Variants in PDE1C observed in about 807,000 individuals in gnomAD.
PDE1C encodes the protein dual specificity calcium/calmodulin-dependent 3',5'-cyclic nucleotide phosphodiesterase 1C.
Under a neutral mutation model 93.1 loss-of-function variants are expected in PDE1C, and 62 were observed. That is an observed-to-expected ratio of 0.67 (90% confidence interval 0.54 to 0.82). The LOEUF (loss-of-function observed/expected upper bound fraction) is 0.82. Ranked by LOEUF, PDE1C falls within the 40% of genes least tolerant of loss-of-function variation. PDE1C has a pLI of 0.00. For synonymous variants in PDE1C, 325 were observed against 310.1 expected (o/e 1.05, Z -0.50); for missense variants, 742 against 884.6 (o/e 0.84, Z 2.04).
At chr7:31,920,164 T>C (rs1802419890) in intron 2 of PDE1C, among the ~76,000 whole-genome samples, 1 of 152,170 alleles carries the variant, frequency 6.6e-6, no homozygotes, top group South Asian at 2.1e-4. Context: ...GTCCTACCCA[T>C]ACACTGAGTC....
chr7:32,063,332 A>T (rs1011673077), intron 1 of PDE1C, among the ~76,000 whole-genome samples: 1 of 152,232 alleles, frequency 6.6e-6, no homozygotes, highest in African/African-American at 2.4e-5. Context: ...TCAAAAATCC[A>T]GGAGATAGGT....
the PDE1C span, among the ~76,000 whole-genome samples, chr7:31,619,773 C>G: frequency 6.6e-6 from 1 of 152,100 alleles, no homozygotes; most frequent in South Asian, 2.1e-4. Context: ...GTGGGTGCAG[C>G]GCACCATGCA....
intron 14 of PDE1C, among the ~76,000 whole-genome samples, chr7:31,822,661 C>T (rs1439759029): frequency 6.6e-6 from 1 of 152,094 alleles, no homozygotes; most frequent in Non-Finnish European, 1.5e-5. Context: ...AATTAAAGCT[C>T]CTTATATCCC....
In PDE1C at chr7:32,314,300, C is replaced by T. The variant is rs80287379; in HGVS notation, c.311-104761G>A. 9.6e-3 allele frequency among the ~76,000 whole-genome samples: 1,462 copies of T among 151,972 alleles called. 13 individuals carry two copies. Among genetic ancestry groups the T allele is most frequent in the African/African-American group, 0.025 (1,047 of 41,418 alleles). Reference sequence around the variant, plus strand: ...AACTAGAAAACATAAATACTGTACCCAGAAATACAAAAATTCTAGTTCATT... The same window carrying T: ...AACTAGAAAACATAAATACTGTACCTAGAAATACAAAAATTCTAGTTCATT... On this transcript the variant is annotated intron_variant, in intron 1 of 1. Transcript: ENST00000672256.
At chr7:32,379,553 T>TA (rs1314767659) in intron 1 of PDE1C, among the ~76,000 whole-genome samples, 3 of 152,136 alleles carry the variant, frequency 2.0e-5, no homozygotes, top group Non-Finnish European at 1.5e-5. Context: ...TAGAATGGAT[T>TA]AAAAAAAGCA....
At chr7:31,699,377 A>T in the PDE1C span, among the ~76,000 whole-genome samples, 1 of 152,214 alleles carries the variant, frequency 6.6e-6, no homozygotes, top group East Asian at 1.9e-4. Context: ...CTCCCGTGAA[A>T]GGGCCTTCAC....
At chr7:31,803,629 T>C (rs557183872) in intron 16 of PDE1C, among the ~76,000 whole-genome samples, 2 of 152,040 alleles carry the variant, frequency 1.3e-5, no homozygotes, top group Admixed American at 6.6e-5. Flanking sequence ...TTCCCACCTA[T>C]GAGTGAGAAC....
At chr7:31,625,027 C>T in the PDE1C span, among the ~76,000 whole-genome samples, 4 of 152,192 alleles carry the variant, frequency 2.6e-5, no homozygotes, top group Admixed American at 2.6e-4. Context: ...AAAAAATGCT[C>T]ATCATCACTG....
chr7:31,753,196 A>G lies in PDE1C; in HGVS notation c.*188T>C, dbSNP rs187934971. 1.6e-6 allele frequency: 1 copy of G among 610,116 alleles called. No homozygotes were observed. Among genetic ancestry groups the G allele is most frequent in the African/African-American group, 1.9e-5 (1 of 53,656 alleles). 37.8% of individuals were successfully genotyped at this position (610,116 alleles called of 1,614,324 possible). On this transcript the variant is annotated 3_prime_UTR_variant, in exon 18 of 18. Coordinates refer to ENST00000396191, the MANE Select transcript of PDE1C (RefSeq NM_001191057.4). ...GGCTGATCCCACATACAGCAATTGAAAAGTCTATACAAGAACAACAAAGAG... is the reference window on the plus strand; with the variant it reads ...GGCTGATCCCACATACAGCAATTGAGAAGTCTATACAAGAACAACAAAGAG...
chr7:31,655,195 A>G, the PDE1C span, among the ~76,000 whole-genome samples: 1 of 151,852 alleles, frequency 6.6e-6, no homozygotes, highest in Non-Finnish European at 1.5e-5. Context: ...CATTGCCCCA[A>G]CTCAGTTCAT....
At chr7:31,794,042 A>AGATAGATAGATG (rs1157143757) in intron 16 of PDE1C, among the ~76,000 whole-genome samples, 5 of 84,622 alleles carry the variant, frequency 5.9e-5, no homozygotes, top group Non-Finnish European at 4.8e-5. Context: ...ATAGATAGAT[A>AGATAGATAGATG]GACAGACAGA....
At chr7:31,681,367 GGACGGATGGATGGATGGATGGATGGAT>G in the PDE1C span, among the ~76,000 whole-genome samples, 8 of 105,052 alleles carry the variant, frequency 7.6e-5, no homozygotes, top group Non-Finnish European at 1.1e-4. Flanking sequence ...ATGGATGGAT[GGACGGATGGATGGATGGATGGATGGAT>G]GGATGGATGG....
chr7:31,681,808 A>G, the PDE1C span, among the ~76,000 whole-genome samples: 1 of 152,200 alleles, frequency 6.6e-6, no homozygotes, highest in African/African-American at 2.4e-5. Context: ...TCCACAGCAG[A>G]TGTTTTAAGG....
chr7:32,146,023 G>A (rs1800811834), intron 3 of PDE1C, among the ~76,000 whole-genome samples: 1 of 152,136 alleles, frequency 6.6e-6, no homozygotes, highest in Non-Finnish European at 1.5e-5. Context: ...TTTAAGTAAG[G>A]AGGAATAAGA....
chr7:31,916,402 G>C (rs1801919073), intron 2 of PDE1C, among the ~76,000 whole-genome samples: 2 of 152,116 alleles, frequency 1.3e-5, no homozygotes, highest in Non-Finnish European at 2.9e-5. Context: ...TATAGCTGTA[G>C]AAAGTAAGAC....
intron 9 of PDE1C, among the ~76,000 whole-genome samples, chr7:31,842,845 T>C (rs1382178607): frequency 6.6e-6 from 1 of 151,976 alleles, no homozygotes; most frequent in Admixed American, 6.6e-5. Context: ...TTTGGAACTT[T>C]TTTCTTTCCT....
At chr7:32,196,154 C>T (rs1804597924) in intron 2 of PDE1C, among the ~76,000 whole-genome samples, 1 of 152,136 alleles carries the variant, frequency 6.6e-6, no homozygotes. Context: ...CTCTGTTTAA[C>T]TTTTTCTGAT....
chr7:32,362,988 C>T (rs192528031), intron 1 of PDE1C, among the ~76,000 whole-genome samples: 6 of 152,278 alleles, frequency 3.9e-5, no homozygotes, highest in East Asian at 3.9e-4. Flanking sequence ...AAGCCAATCA[C>T]GAAGCAAATT....
intron 1 of PDE1C, among the ~76,000 whole-genome samples, chr7:32,060,719 T>TC (rs1374954003): frequency 6.6e-6 from 1 of 152,062 alleles, no homozygotes; most frequent in Non-Finnish European, 1.5e-5. Flanking sequence ...CTTTCATTTT[T>TC]TTTTTAACAA....
Sources: gnomAD v4.1 joint callset for allele counts (sites outside exome capture counted in the v4.1 genomes callset) on GRCh38, gnomAD v4.1.1 for gene constraint, MANE v1.5 for transcripts, NCBI Gene and HGNC (gene_info 2026-07-23, HGNC 2026-07-21) for gene names.